FBXW10B: variants seen among roughly 807,000 people sequenced by gnomAD.
The protein encoded by FBXW10B is F-box and WD repeat domain containing 10B, also known as F-box and WD repeat domain containing protein 10B.
the FBXW10B span, among the ~76,000 whole-genome samples, chr17:15,590,772 G>A: frequency 6.6e-6 from 1 of 151,856 alleles, no homozygotes; most frequent in African/African-American, 2.4e-5. Flanking sequence ...CTGTGCATGG[G>A]GAGTATCCCC....
At chr17:15,579,146 A>AAAATAAATAAATAAATAAATAAAT in the FBXW10B span, among the ~76,000 whole-genome samples, 67 of 144,682 alleles carry the variant, frequency 4.6e-4, no homozygotes, top group African/African-American at 1.8e-3. Flanking sequence ...CCCATTTCTT[A>AAAATAAATAAATAAATAAATAAAT]AAATAAATAA....
At chr17:15,597,613 C>G in the FBXW10B span, among the ~76,000 whole-genome samples, 1 of 151,648 alleles carries the variant, frequency 6.6e-6, no homozygotes, top group Non-Finnish European at 1.5e-5. Context: ...AACCTGGCCA[C>G]AGAGCAAGAC....
the FBXW10B span, among the ~76,000 whole-genome samples, chr17:15,610,718 T>A: frequency 5.5e-4 from 83 of 152,138 alleles, 1 homozygote; most frequent in Admixed American, 4.7e-3. Flanking sequence ...GACAGTACAA[T>A]TCTGTCAATA....
the FBXW10B span, chr17:15,598,738 A>G: frequency 1.9e-6 from 3 of 1,568,482 alleles, no homozygotes; most frequent in Non-Finnish European, 2.6e-6. Flanking sequence ...ATAATTAGTT[A>G]GTTGGGAGGC....
the FBXW10B span, among the ~76,000 whole-genome samples, chr17:15,600,027 T>C: frequency 6.6e-6 from 1 of 151,346 alleles, no homozygotes; most frequent in African/African-American, 2.4e-5. Context: ...CCATCCTGGC[T>C]AACATGGTGA....
the FBXW10B span, among the ~76,000 whole-genome samples, chr17:15,585,326 T>C: frequency 6.6e-6 from 1 of 152,102 alleles, no homozygotes; most frequent in Non-Finnish European, 1.5e-5. Context: ...AAAAATAGAA[T>C]TAAAAGATAA....
chr17:15,597,492 G>A, the FBXW10B span, among the ~76,000 whole-genome samples: 1 of 151,538 alleles, frequency 6.6e-6, no homozygotes, highest in African/African-American at 2.4e-5. Context: ...AATTAGCTGG[G>A]CGTGGTGGCG....
At chr17:15,616,528 G>C in the FBXW10B span, among the ~76,000 whole-genome samples, 1 of 152,002 alleles carries the variant, frequency 6.6e-6, no homozygotes, top group African/African-American at 2.4e-5. Flanking sequence ...TTGTTGGTCC[G>C]GCGTGATGGC....
At chr17:15,616,339 T>G in the FBXW10B span, among the ~76,000 whole-genome samples, 1 of 151,668 alleles carries the variant, frequency 6.6e-6, no homozygotes, top group Admixed American at 6.6e-5. Context: ...CTGGCTATTT[T>G]TTGTATTTTT....
At chr17:15,612,765 G>A in the FBXW10B span, 1 of 1,614,044 alleles carries the variant, frequency 6.2e-7, no homozygotes, top group South Asian at 1.1e-5. Context: ...TACCATTTTA[G>A]GAACTGGGAT....
the FBXW10B span, among the ~76,000 whole-genome samples, chr17:15,589,625 TC>T: frequency 0.022 from 3,278 of 152,158 alleles, 83 homozygotes; most frequent in East Asian, 0.11. Flanking sequence ...TGGTGGTATG[TC>T]ACAACTAAAT....
At chr17:15,617,136 T>G in the FBXW10B span, among the ~76,000 whole-genome samples, 2 of 152,140 alleles carry the variant, frequency 1.3e-5, no homozygotes, top group East Asian at 3.9e-4. Flanking sequence ...TAACTTACTG[T>G]TTTTGACACC....
chr17:15,583,715 T>C, the FBXW10B span, among the ~76,000 whole-genome samples: 11 of 151,908 alleles, frequency 7.2e-5, no homozygotes, highest in African/African-American at 9.7e-5. Flanking sequence ...CCACGTACAG[T>C]TGGGAGACTC....
the FBXW10B span, among the ~76,000 whole-genome samples, chr17:15,610,292 C>T: frequency 6.6e-6 from 1 of 152,220 alleles, no homozygotes; most frequent in Non-Finnish European, 1.5e-5. Context: ...GCCGCACTCT[C>T]TTACAGACTA....
At chr17:15,594,728 C>T in the FBXW10B span, 12 of 1,612,934 alleles carry the variant, frequency 7.4e-6, no homozygotes, top group East Asian at 2.2e-5. Context: ...TTCATCGCTC[C>T]GGGCTTCACA....
the FBXW10B span, chr17:15,612,743 C>G: frequency 6.2e-7 from 1 of 1,614,046 alleles, no homozygotes; most frequent in South Asian, 1.1e-5. Flanking sequence ...CACGCATGCT[C>G]TTCCCGTCAT....
At chr17:15,614,335 C>T in the FBXW10B span, among the ~76,000 whole-genome samples, 1 of 151,996 alleles carries the variant, frequency 6.6e-6, no homozygotes, top group Non-Finnish European at 1.5e-5. Flanking sequence ...ACTACAGGCG[C>T]CCGCCACCAC....
chr17:15,582,840 A>G, the FBXW10B span, among the ~76,000 whole-genome samples: 1 of 151,876 alleles, frequency 6.6e-6, no homozygotes, highest in Non-Finnish European at 1.5e-5. Flanking sequence ...CTCTGCTTCT[A>G]ATGTGCTCCA....
the FBXW10B span, among the ~76,000 whole-genome samples, chr17:15,597,595 T>C: frequency 6.6e-6 from 1 of 151,800 alleles, no homozygotes; most frequent in African/African-American, 2.4e-5. Flanking sequence ...ATTGTGCCAC[T>C]GCACTCCAAC....
Sources: allele counts gnomAD v4.1 joint callset (sites outside exome capture counted in the v4.1 genomes callset), GRCh38; gene constraint gnomAD v4.1.1; transcripts MANE v1.5; gene names NCBI Gene and HGNC (gene_info 2026-07-23, HGNC 2026-07-21).